ADAMTSL1: variants seen among roughly 807,000 people sequenced by gnomAD.
ADAMTSL1 encodes ADAMTS like 1, also known as ADAMTS-like protein 1.
A neutral mutation model predicts 201.8 loss-of-function variants in ADAMTSL1; 126 were observed. That is an observed-to-expected ratio of 0.62 (90% CI 0.54 to 0.72). The LOEUF (loss-of-function observed/expected upper bound fraction) is 0.72, where lower values mean the gene tolerates loss of function less well. Ranked by LOEUF, ADAMTSL1 falls within the 30% of genes least tolerant of loss-of-function variation. ADAMTSL1 has a pLI of 0.00. For missense variants in ADAMTSL1, 2,679 were observed against 2,277.8 expected, an observed-to-expected ratio of 1.18 and a Z score of -3.59; for synonymous variants, 1,121 against 903.4, an observed-to-expected ratio of 1.24 and a Z score of -4.32.
At chr9:17,987,948 T>A (rs1211899921) in intron 1 of ADAMTSL1, among the ~76,000 whole-genome samples, 2 of 152,122 alleles carry the variant, frequency 1.3e-5, no homozygotes, top group Non-Finnish European at 2.9e-5. Flanking sequence ...GGCTTATTTT[T>A]AAATCTTTTT....
intron 2 of ADAMTSL1, among the ~76,000 whole-genome samples, chr9:18,458,112 G>T (rs1024679895): frequency 5.3e-5 from 8 of 152,164 alleles, no homozygotes; most frequent in Non-Finnish European, 1.2e-4. Context: ...AATTGCATGG[G>T]ATGCCCATAG....
intron 1 of ADAMTSL1, among the ~76,000 whole-genome samples, chr9:17,974,575 T>C (rs1210083926): frequency 6.6e-6 from 1 of 151,924 alleles, no homozygotes; most frequent in Non-Finnish European, 1.5e-5. Flanking sequence ...CCTCTATGAG[T>C]TTGACTTATT....
intron 1 of ADAMTSL1, among the ~76,000 whole-genome samples, chr9:17,969,083 T>C (rs1179095669): frequency 6.6e-6 from 1 of 152,044 alleles, no homozygotes; most frequent in Non-Finnish European, 1.5e-5. Flanking sequence ...CATTATTCAG[T>C]ACCTAGAATC....
intron 28 of ADAMTSL1, 111 bp from the exon 29 acceptor site, chr9:18,908,331 T>A: frequency 1.1e-6 from 1 of 875,454 alleles, no homozygotes; most frequent in Non-Finnish European, 1.8e-6. Context: ...GACCCCAGGA[T>A]GTACCCCAGT....
At chr9:18,075,850 T>C (rs1471959884) in intron 1 of ADAMTSL1, among the ~76,000 whole-genome samples, 1 of 152,204 alleles carries the variant, frequency 6.6e-6, no homozygotes, top group Non-Finnish European at 1.5e-5. Flanking sequence ...CCTGTGCCTG[T>C]AAAAGGTGCT....
intron 2 of ADAMTSL1, among the ~76,000 whole-genome samples, chr9:18,367,730 G>A (rs78340278): frequency 0.013 from 1,957 of 152,040 alleles, 38 homozygotes; most frequent in African/African-American, 0.045. Flanking sequence ...AAGAGACTAA[G>A]TAACTTTTAG....
chr9:18,107,144 C>T (rs1434506539), intron 1 of ADAMTSL1, among the ~76,000 whole-genome samples: 1 of 152,100 alleles, frequency 6.6e-6, no homozygotes, highest in Non-Finnish European at 1.5e-5. Context: ...CACTCCATGC[C>T]TGTCATGAGG....
intron 3 of ADAMTSL1, among the ~76,000 whole-genome samples, chr9:18,564,140 C>A (rs570841879): frequency 6.6e-6 from 1 of 152,276 alleles, no homozygotes; most frequent in African/African-American, 2.4e-5. Context: ...GCCCTGGTTG[C>A]GTGGGCACCT....
At chr9:18,856,243 C>T (rs1015423802) in intron 23 of ADAMTSL1, among the ~76,000 whole-genome samples, 2 of 152,026 alleles carry the variant, frequency 1.3e-5, no homozygotes, top group Admixed American at 6.5e-5. Flanking sequence ...GAAAACAATG[C>T]TTTTGTTAAG....
rs199822884 is a variant in ADAMTSL1, at chr9:17,952,256, A to AT, written c.87+45342dup. 7.3e-3 allele frequency among the ~76,000 whole-genome samples: 1,095 copies of AT among 150,730 alleles called. 16 individuals carry two copies. The highest frequency in any genetic ancestry group is 0.025 in the African/African-American group (1,011 of 41,020). On this transcript the variant is annotated intron_variant, in intron 1 of 29. Transcript: ENST00000680146. ...GGTGTGAGCCACTACTTCCAGCCTCATTTTTTTTCTTTAGGACATATTTTA... is the reference window on the plus strand; with the variant it reads ...GGTGTGAGCCACTACTTCCAGCCTCATTTTTTTTTCTTTAGGACATATTTTA...
chr9:18,807,645 CAAAAAAAAAAA>C (rs1179713904), intron 20 of ADAMTSL1, among the ~76,000 whole-genome samples: 18 of 68,590 alleles, frequency 2.6e-4, no homozygotes, highest in Non-Finnish European at 5.0e-4. Flanking sequence ...GACTCTGTCT[CAAAAAAAAAAA>C]AACAAAAAAA....
At chr9:18,394,080 T>C (rs1318163773) in intron 2 of ADAMTSL1, among the ~76,000 whole-genome samples, 1 of 152,180 alleles carries the variant, frequency 6.6e-6, no homozygotes, top group African/African-American at 2.4e-5. Flanking sequence ...GAAAAATGTA[T>C]CTTGGCATAA....
intron 2 of ADAMTSL1, among the ~76,000 whole-genome samples, chr9:18,261,027 T>C (rs113620167): frequency 8.4e-6 from 1 of 118,468 alleles, no homozygotes. Flanking sequence ...TTTTTTTTTT[T>C]TGTGTGTCCT....
intron 23 of ADAMTSL1, among the ~76,000 whole-genome samples, chr9:18,833,280 C>T (rs111786648): frequency 0.074 from 11,251 of 152,224 alleles, 523 homozygotes; most frequent in African/African-American, 0.13. Context: ...AGGAATTGAC[C>T]ACTGTCTTCC....
intron 2 of ADAMTSL1, among the ~76,000 whole-genome samples, chr9:18,202,711 CA>C (rs1345319503): frequency 6.6e-6 from 1 of 152,172 alleles, no homozygotes; most frequent in Admixed American, 6.6e-5. Context: ...TATTTATCTG[CA>C]TATATGCTTC....
At chr9:18,828,954 C>G (rs1386422825) in intron 22 of ADAMTSL1, among the ~76,000 whole-genome samples, 1 of 151,850 alleles carries the variant, frequency 6.6e-6, no homozygotes, top group African/African-American at 2.4e-5. Context: ...TACTCCTGGG[C>G]TGCTGCTTCC....
chr9:18,108,382 T>C (rs1339226205), intron 1 of ADAMTSL1, among the ~76,000 whole-genome samples: 4 of 151,920 alleles, frequency 2.6e-5, no homozygotes, highest in African/African-American at 9.7e-5. Flanking sequence ...AAATTTTTTG[T>C]TGAGACAAGG....
intron 3 of ADAMTSL1, among the ~76,000 whole-genome samples, chr9:18,567,008 C>T (rs960433670): frequency 5.9e-5 from 9 of 152,298 alleles, no homozygotes; most frequent in African/African-American, 2.2e-4. Context: ...AAATTAGCAA[C>T]ATTCGCATCA....
Position 18,364,632 on chromosome 9 carries a change from A to G in ADAMTSL1, c.208-140197A>G, listed in dbSNP as rs543746988. Among the ~76,000 whole-genome samples, 5 of 139,890 alleles carry G rather than the reference A, an allele frequency of 3.6e-5. No homozygotes were observed. In the South Asian group the frequency reaches 1.2e-3, roughly 34 times the overall value. The allele number at this position is 139,890 out of a possible 152,430, so 91.8% of individuals were successfully genotyped here. The stretch of plus-strand genomic sequence containing the variant: ...ACCAGATACAGAATAACATGCCTGT[A>G]TTAGGTCATTCTTGTACTGCTATAA... On this transcript the variant is annotated intron_variant, in intron 2 of 29. Transcript: ENST00000680146.
Sources: gnomAD v4.1 joint callset for allele counts (sites outside exome capture counted in the v4.1 genomes callset) on GRCh38, gnomAD v4.1.1 for gene constraint, MANE v1.5 for transcripts, NCBI Gene and HGNC (gene_info 2026-07-23, HGNC 2026-07-21) for gene names.